Variants in POSTN observed in about 807,000 individuals in gnomAD.
POSTN encodes the protein periostin.
In POSTN, 71 loss-of-function variants were observed where a neutral mutation model predicts 104.5. That is an observed-to-expected ratio of 0.68 (90% CI 0.56 to 0.83). The LOEUF (loss-of-function observed/expected upper bound fraction) is 0.83. Ranked by LOEUF, POSTN falls within the 40% of genes least tolerant of loss-of-function variation. The pLI is 0.00. For synonymous variants in POSTN, 355 were observed against 340.7 expected (o/e 1.04, Z -0.46); for missense variants, 949 against 1,006.8 (o/e 0.94, Z 0.78).
chr13:37,598,416 G>T (rs936017694), intron 1 of POSTN, among the ~76,000 whole-genome samples, 192 bp downstream of exon 1: 1 of 152,018 alleles, frequency 6.6e-6, no homozygotes, highest in East Asian at 1.9e-4. Flanking sequence ...TATTTAGAGA[G>T]CAATTAAGTC....
At position 37,569,256 on chromosome 13, in the gene POSTN, C is replaced by T. The variant is rs753743103; in HGVS notation, c.2431+44G>A. ...CAGTCTTTAAAAAGTTGAACTCAGT[C>T]ACTAGAACCTGTTAAGGGGGTTAGT... On this transcript the variant is annotated intron_variant, in intron 21 of 22. Coordinates refer to ENST00000379747, the MANE Select transcript of POSTN (RefSeq NM_006475.3). 6 of 1,413,784 alleles carry T rather than the reference C, an allele frequency of 4.2e-6. No homozygotes were observed. The East Asian group carries it at 1.4e-4, about 32-fold the overall frequency. The allele number at this position is 1,413,784 out of a possible 1,614,324, so 87.6% of individuals were successfully genotyped here. A position where few individuals can be genotyped will look rare whatever the true frequency, so the allele number is the denominator to read the frequency against.
At chr13:37,563,807 A>G (rs890721097) in intron 22 of POSTN, among the ~76,000 whole-genome samples, 3 of 151,970 alleles carry the variant, frequency 2.0e-5, no homozygotes, top group African/African-American at 7.2e-5. Context: ...CAAACTTGCA[A>G]TTTACTCTAG....
At position 37,598,690 on chromosome 13, in the gene POSTN, G is replaced by A; in HGVS notation, c.37C>T (p.Leu13=). ...GCGTTTATAGGGTTAACAATAAGCA[G>A]CAATAGTAGAGAAAACATGGGTAAA... The part of the protein sequence containing the change: ...PFLPMFSLLL[L]LIVNPINANN... The change falls in exon 1 of 23, where the codon CTG becomes TTG. Residue 13 remains leucine (L), a synonymous_variant. Coordinates refer to ENST00000379747, the MANE Select transcript of POSTN (RefSeq NM_006475.3). 1 of 1,613,326 alleles carries A rather than the reference G, an allele frequency of 6.2e-7. No homozygotes were observed. Among genetic ancestry groups the A allele is most frequent in the Non-Finnish European group, 8.5e-7 (1 of 1,179,420 alleles).
Position 37,582,366 on chromosome 13 carries a change from T to G in POSTN, c.1392A>C (p.Thr464=). The change falls in exon 10 of 23, where the codon ACA becomes ACC. Residue 464 remains threonine (T), a splice_region_variant and synonymous_variant. Transcript: ENST00000379747. ...GKQLRVFVYR[T]AVCIENSCME... ...TTTTATTTTGTTGTGATTCACTTAC[T>G]GTACGATATACGAAGACTCTGAGCT... The G allele has an allele frequency of 6.2e-7, 1 of 1,604,180 alleles. No homozygotes were observed. Among genetic ancestry groups the G allele is most frequent in the Non-Finnish European group, 8.5e-7 (1 of 1,177,538 alleles).
At position 37,563,426 on chromosome 13, in the gene POSTN, T is replaced by A. The variant is rs76733395; in HGVS notation, c.2474-56A>T. The A allele has an allele frequency of 2.7e-4, 331 of 1,219,038 alleles. 3 individuals are homozygous for A. The East Asian group carries it at 8.1e-3, about 30-fold the overall frequency. The allele number at this position is 1,219,038 out of a possible 1,614,324, so 75.5% of individuals were successfully genotyped here. ...TGTAAATGTTAGGAAATTTTAAAAT[T>A]TAAGAATATATTATTCTCTGTATAT... On this transcript the variant is annotated intron_variant, in intron 22 of 22. Transcript: ENST00000379747.
intron 9 of POSTN, among the ~76,000 whole-genome samples, chr13:37,582,723 C>A (rs1476840000): frequency 6.6e-6 from 1 of 152,148 alleles, no homozygotes; most frequent in Non-Finnish European, 1.5e-5. Flanking sequence ...TATTAAATGA[C>A]AATAATACAG....
chr13:37,596,733 T>A (rs145112137), intron 2 of POSTN, among the ~76,000 whole-genome samples: 197 of 152,336 alleles, frequency 1.3e-3, no homozygotes, highest in African/African-American at 3.3e-3. Context: ...TTTAGACAAT[T>A]TCCAAATGAC....
intron 21 of POSTN, among the ~76,000 whole-genome samples, chr13:37,568,507 T>G (rs1469179262): frequency 6.6e-6 from 1 of 152,118 alleles, no homozygotes; most frequent in East Asian, 1.9e-4. Flanking sequence ...GCCTATTTGG[T>G]TTTTCTAAAG....
intron 10 of POSTN, 151 bp downstream of exon 10, chr13:37,582,215 A>T: frequency 1.2e-6 from 1 of 802,496 alleles, no homozygotes. Flanking sequence ...CTTTGCTCAC[A>T]GTCTTTTCAC....
At chr13:37,567,187 G>C (rs1255889285) in intron 21 of POSTN, among the ~76,000 whole-genome samples, 1 of 117,284 alleles carries the variant, frequency 8.5e-6, no homozygotes, top group Non-Finnish European at 1.7e-5. Flanking sequence ...AGTGAGCCGA[G>C]ATCCCGCCAC....
chr13:37,570,191 A>T (rs1254126525), intron 19 of POSTN, among the ~76,000 whole-genome samples: 1 of 151,874 alleles, frequency 6.6e-6, no homozygotes, highest in Non-Finnish European at 1.5e-5. Flanking sequence ...TGCTTTGTAT[A>T]AACTTGCTTC....
intron 2 of POSTN, among the ~76,000 whole-genome samples, chr13:37,596,008 G>A (rs548134123): frequency 6.6e-6 from 1 of 151,820 alleles, no homozygotes; most frequent in Admixed American, 6.6e-5. Flanking sequence ...CACCATGTTG[G>A]CCAGGCTGGT....
rs1949981414 is a variant in POSTN, at chr13:37,563,129, C to A, written c.*204G>T. The A allele has an allele frequency of 1.2e-5, 4 of 342,548 alleles. No individual in the cohort carries two copies. Among genetic ancestry groups the A allele is most frequent in the Admixed American group, 4.8e-5 (1 of 20,932 alleles). The allele number at this position is 342,548 out of a possible 1,614,324, so 21.2% of individuals were successfully genotyped here. ...TAAGGTGTTATATTTTCTTCAATTC[C>A]TTTACCACAGGAGGCTAACTCCACA... On this transcript the variant is annotated 3_prime_UTR_variant, in exon 23 of 23. Transcript: ENST00000379747.
chr13:37,592,988 T>C (rs1418197791), intron 2 of POSTN, among the ~76,000 whole-genome samples: 2 of 150,038 alleles, frequency 1.3e-5, no homozygotes, highest in African/African-American at 5.0e-5. Flanking sequence ...GAATTGTTGG[T>C]AGGATTATTA....
intron 3 of POSTN, among the ~76,000 whole-genome samples, chr13:37,591,139 C>A (rs558693240): frequency 1.4e-4 from 21 of 152,126 alleles, no homozygotes; most frequent in Non-Finnish European, 2.5e-4. Context: ...TTTGGTGACA[C>A]AACTATTAAG....
Position 37,581,023 on chromosome 13 carries a change from T to A in POSTN, c.1393-326A>T, listed in dbSNP as rs376275709. ...AGATTTGAACTATTTCTCTAGACCCTCTTTTGGCCAACACTATCTGTAAGG... is the reference window on the plus strand; with the variant it reads ...AGATTTGAACTATTTCTCTAGACCCACTTTTGGCCAACACTATCTGTAAGG... On this transcript the variant is annotated intron_variant, in intron 10 of 22. Coordinates refer to ENST00000379747, the MANE Select transcript of POSTN (RefSeq NM_006475.3). Among the ~76,000 whole-genome samples, 9 of 152,308 alleles carry A rather than the reference T, an allele frequency of 5.9e-5. 1 individual carries two copies. In the East Asian group the frequency reaches 1.7e-3, roughly 29 times the overall value.
intron 4 of POSTN, among the ~76,000 whole-genome samples, chr13:37,589,496 CCCT>C (rs551113235): frequency 6.2e-4 from 95 of 152,208 alleles, no homozygotes; most frequent in African/African-American, 2.2e-3. Flanking sequence ...TATCCCTCCC[CCCT>C]CCTCCCACCC....
In POSTN at chr13:37,586,928, C is replaced by G; in HGVS notation, c.607G>C (p.Val203Leu). 1 of 1,612,040 alleles carries G rather than the reference C, an allele frequency of 6.2e-7. No homozygotes were observed. The highest frequency in any genetic ancestry group is 8.5e-7 in the Non-Finnish European group (1 of 1,179,164). ...ATTCGAGCACAATTAACAGTGACAACCTATAATTATTTGGAAAAATCAAAG... is the reference window on the plus strand; with the variant it reads ...ATTCGAGCACAATTAACAGTGACAAGCTATAATTATTTGGAAAAATCAAAG... ...GLFINHYPNG[V>L]VTVNCARIIH... is the part of the protein sequence containing the mutation. Residue 203 changes from valine (V) to leucine (L), a missense_variant and splice_region_variant, in exon 6 of 23, where the codon GTT becomes CTT. Transcript: ENST00000379747.
intron 5 of POSTN, among the ~76,000 whole-genome samples, chr13:37,587,572 T>A (rs960249815): frequency 6.6e-6 from 1 of 152,170 alleles, no homozygotes; most frequent in Non-Finnish European, 1.5e-5. Flanking sequence ...CTACTAAAAT[T>A]TCCTTTTCTA....
Sources: allele counts gnomAD v4.1 joint callset (sites outside exome capture counted in the v4.1 genomes callset), GRCh38; gene constraint gnomAD v4.1.1; transcripts MANE v1.5; gene names NCBI Gene and HGNC (gene_info 2026-07-23, HGNC 2026-07-21).